CHD9: variants seen among roughly 807,000 people sequenced by gnomAD.
CHD9 encodes the protein chromodomain helicase DNA binding protein 9.
CHD9 carries 77 observed loss-of-function variants against 316.1 expected under a neutral mutation model. That is an observed-to-expected ratio of 0.24 (90% CI 0.20 to 0.29). The LOEUF (loss-of-function observed/expected upper bound fraction) is 0.29. Among genes scored for constraint, CHD9 ranks in the 10% least tolerant of loss-of-function variants. CHD9 has a pLI of 1.00. For missense variants in CHD9, 2,763 were observed against 3,438.1 expected (o/e 0.80, Z 4.91); for synonymous variants, 1,129 against 1,158.3 (o/e 0.97, Z 0.51).
chr16:53,212,835 G>A (rs564074116), intron 3 of CHD9, among the ~76,000 whole-genome samples: 1 of 152,242 alleles, frequency 6.6e-6, no homozygotes, highest in South Asian at 2.1e-4. Flanking sequence ...TCTGTAAAAT[G>A]GGGATAGGAT....
rs375059679 is a variant in CHD9 at position 53,189,044 on chromosome 16, G to C, written c.1453-20438G>C. Among the ~76,000 whole-genome samples, 77 of 151,850 alleles carry C rather than the reference G, an allele frequency of 5.1e-4. 1 individual carries two copies. The South Asian group carries it at 0.015, about 29-fold the overall frequency. On this transcript the variant is annotated intron_variant, in intron 2 of 38. Transcript: ENST00000447540. ...TGAAAAAGCTTGACATCAGATATTT[G>C]ATTTGCAGATTTCCTTGGGTTTTTT...
chr16:53,227,465 G>GT lies in CHD9; in HGVS notation c.2112+2dup. Reference sequence around the variant, plus strand: ...ATCTTCTAGAACCGTAAAAAAGGAAGTAAGTACTGGTACATTACATTTTAC... The same window carrying GT: ...ATCTTCTAGAACCGTAAAAAAGGAAGTTAAGTACTGGTACATTACATTTTAC... On this transcript the variant is annotated splice_donor_variant, in intron 6 of 38. Coordinates refer to ENST00000447540, the MANE Select transcript of CHD9 (RefSeq NM_001308319.2). LOFTEE classifies it high-confidence loss of function. 1 of 1,540,382 alleles carries GT rather than the reference G, an allele frequency of 6.5e-7. No individual in the cohort carries two copies. Among genetic ancestry groups the GT allele is most frequent in the Non-Finnish European group, 8.8e-7 (1 of 1,135,420 alleles).
In CHD9 at chr16:53,238,495, C is replaced by T. The variant is rs757538821; in HGVS notation, c.2786C>T (p.Thr929Met). Reference protein sequence around the residue: ...TIANWEREFRTWTDINVVVYH... With the variant: ...TIANWEREFRMWTDINVVVYH... The stretch of plus-strand genomic sequence containing the variant: ...GCAAACTGGGAGAGAGAATTTCGTA[C>T]GTGGACTGATATTAACGTTGTGGTT... Residue 929 changes from threonine to methionine, a missense_variant, in exon 12 of 39, where the codon ACG becomes ATG. Transcript: ENST00000447540. 1.4e-5 allele frequency: 23 copies of T among 1,612,882 alleles called. No homozygotes were observed. The highest frequency in any genetic ancestry group is 5.0e-5 in the Admixed American group (3 of 59,950).
chr16:53,159,900 A>C (rs111443362), intron 2 of CHD9, among the ~76,000 whole-genome samples: 4,784 of 152,318 alleles, frequency 0.031, 100 homozygotes, highest in Non-Finnish European at 0.052. Flanking sequence ...TACAGGCGTG[A>C]GCCACCATGC....
At chr16:53,105,297 G>C (rs1313183265) in intron 1 of CHD9, among the ~76,000 whole-genome samples, 1 of 151,884 alleles carries the variant, frequency 6.6e-6, no homozygotes, top group Non-Finnish European at 1.5e-5. Flanking sequence ...TTTCTTATGG[G>C]CCTTTCCAGA....
Position 53,156,893 on chromosome 16 carries a change from G to A in CHD9, c.804G>A (p.Gln268=). 1 of 1,613,644 alleles carries A rather than the reference G, an allele frequency of 6.2e-7. No individual in the cohort carries two copies. The highest frequency in any genetic ancestry group is 2.2e-5 in the East Asian group (1 of 44,872). The change falls in exon 2 of 39, where the codon CAG becomes CAA. Residue 268 remains glutamine, a synonymous_variant. Transcript: ENST00000447540. The part of the protein sequence containing the change: ...NMTSCSVSNS[Q]QFSSHYSFSS... ...CTTCTTGTTCTGTCAGTAATTCACA[G>A]CAATTTTCTTCACATTATTCCTTTT...
chr16:53,074,445 T>A (rs530884345), intron 1 of CHD9, among the ~76,000 whole-genome samples: 1 of 152,290 alleles, frequency 6.6e-6, no homozygotes, highest in Non-Finnish European at 1.5e-5. Flanking sequence ...CCCAGGACAA[T>A]GGAGAAAATG....
In CHD9 at chr16:53,303,636, A is replaced by C; in HGVS notation, c.5714-84A>C. 2.3e-5 allele frequency: 23 copies of C among 984,590 alleles called. No individual in the cohort carries two copies. In the South Asian group the frequency reaches 5.5e-4, roughly 24 times the overall value. 61.0% of individuals were successfully genotyped at this position (984,590 alleles called of 1,614,324 possible). A position where few individuals can be genotyped will look rare whatever the true frequency, so the allele number is the denominator to read the frequency against. ...CATTTTAGAAATGGTATTGTTATAA[A>C]TATATAAAGATGTATTTATAATGAT... On this transcript the variant is annotated intron_variant, in intron 30 of 38. Transcript: ENST00000447540.
intron 34 of CHD9, chr16:53,311,301 A>G (rs1360749746): frequency 6.6e-6 from 1 of 152,216 alleles, no homozygotes; most frequent in Non-Finnish European, 1.5e-5. Flanking sequence ...AATTGCAAAT[A>G]TGAAATCTAG....
chr16:53,196,013 C>T (rs2044884171), intron 2 of CHD9, among the ~76,000 whole-genome samples: 1 of 152,108 alleles, frequency 6.6e-6, no homozygotes, highest in African/African-American at 2.4e-5. Context: ...TTGCCTCAGC[C>T]TCCCAAAGTG....
chr16:53,238,976 A>G (rs2048854349), intron 12 of CHD9, among the ~76,000 whole-genome samples: 2 of 152,080 alleles, frequency 1.3e-5, no homozygotes, highest in Non-Finnish European at 2.9e-5. Context: ...AATCCTCACT[A>G]ATACCACAGG....
Position 53,292,881 on chromosome 16 carries a change from C to A in CHD9, c.5339C>A (p.Ala1780Asp). 1 of 1,613,720 alleles carries A rather than the reference C, an allele frequency of 6.2e-7. No individual in the cohort carries two copies. Among genetic ancestry groups the A allele is most frequent in the Non-Finnish European group, 8.5e-7 (1 of 1,179,836 alleles). Reference sequence around the variant, plus strand: ...AAAGTATATTGGCCTACTCAATCAGCTTTAACCACACGTTTGAGGCGTCTC... The same window carrying A: ...AAAGTATATTGGCCTACTCAATCAGATTTAACCACACGTTTGAGGCGTCTC... ...GDKVYWPTQSALTTRLRRLIT... is the reference protein window; with the variant it reads ...GDKVYWPTQSDLTTRLRRLIT... Residue 1780 changes from alanine (A) to aspartate (D), a missense_variant, in exon 29 of 39, where the codon GCT (alanine) becomes GAT (aspartate). By Grantham distance (126) the Ala-to-Asp change is moderately radical. This residue lies in a region of CHD9 where 183 missense variants were observed against 258.5 expected (regional missense o/e 0.71). Transcript: ENST00000447540.
At chr16:53,135,233 T>C (rs889674109) in intron 1 of CHD9, among the ~76,000 whole-genome samples, 1 of 151,996 alleles carries the variant, frequency 6.6e-6, no homozygotes, top group Non-Finnish European at 1.5e-5. Flanking sequence ...AAATGAGAGA[T>C]AGAAAGCAGA....
chr16:53,126,845 A>C (rs2038990624), intron 1 of CHD9, among the ~76,000 whole-genome samples: 1 of 151,702 alleles, frequency 6.6e-6, no homozygotes, highest in African/African-American at 2.4e-5. Context: ...CACCCAGCTA[A>C]TTTTTGTATT....
At chr16:53,142,931 C>T (rs368929585) in intron 1 of CHD9, among the ~76,000 whole-genome samples, 2 of 152,152 alleles carry the variant, frequency 1.3e-5, no homozygotes, top group East Asian at 3.9e-4. Flanking sequence ...CAAGAAGGCC[C>T]TCTGATGCAA....
intron 1 of CHD9, among the ~76,000 whole-genome samples, chr16:53,112,826 C>G (rs1392923363): frequency 6.6e-6 from 1 of 152,012 alleles, no homozygotes; most frequent in East Asian, 1.9e-4. Flanking sequence ...GCAGCCTCAG[C>G]AACATGGTGA....
At chr16:53,204,254 A>G (rs2045717810) in intron 2 of CHD9, among the ~76,000 whole-genome samples, 1 of 151,704 alleles carries the variant, frequency 6.6e-6, no homozygotes, top group Admixed American at 6.6e-5. Flanking sequence ...TATAATTTCT[A>G]CTTATATCCA....
chr16:53,123,675 TATTTTTAGTA>T (rs1371850659), intron 1 of CHD9, among the ~76,000 whole-genome samples: 1 of 152,060 alleles, frequency 6.6e-6, no homozygotes, highest in African/African-American at 2.4e-5. Context: ...CAAATTTTTG[TATTTTTAGTA>T]GAGACAGGGT....
At chr16:53,055,703 C>A (rs191980448) in intron 1 of CHD9, among the ~76,000 whole-genome samples, 1 of 152,176 alleles carries the variant, frequency 6.6e-6, no homozygotes, top group African/African-American at 2.4e-5. Context: ...CCTCCTCCTC[C>A]TTTCTCATGT....
Sources: gnomAD v4.1 joint callset for allele counts (sites outside exome capture counted in the v4.1 genomes callset) on GRCh38, gnomAD v4.1.1 for gene constraint, gnomAD v4.1.1 regional missense constraint, MANE v1.5 for transcripts, NCBI Gene and HGNC (gene_info 2026-07-23, HGNC 2026-07-21) for gene names.